Variants in RREB1 observed in about 807,000 individuals in gnomAD.
The protein encoded by RREB1 is ras responsive element binding protein 1.
Under a neutral mutation model 117.8 loss-of-function variants are expected in RREB1, and 27 were observed. The ratio of observed to expected loss-of-function variants is 0.23; its 90% CI spans 0.17 to 0.32. The LOEUF (loss-of-function observed/expected upper bound fraction) is 0.32, where lower values mean the gene tolerates loss of function less well. Ranked by LOEUF, RREB1 falls within the 10% of genes least tolerant of loss-of-function variation. RREB1 has a pLI of 1.00. For missense variants in RREB1, 2,577 were observed against 2,378.2 expected, an observed-to-expected ratio of 1.08 and a Z score of -1.74; for synonymous variants, 1,298 against 1,026.7, an observed-to-expected ratio of 1.26 and a Z score of -5.05.
chr6:7,138,085 C>G (rs544189867), intron 1 of RREB1, among the ~76,000 whole-genome samples: 10 of 152,000 alleles, frequency 6.6e-5, no homozygotes, highest in Admixed American at 5.2e-4. Context: ...CATTAGACAC[C>G]CTTTGTGCAC....
At chr6:7,204,173 G>T (rs925391596) in intron 6 of RREB1, among the ~76,000 whole-genome samples, 7 of 152,180 alleles carry the variant, frequency 4.6e-5, no homozygotes, top group African/African-American at 1.7e-4. Flanking sequence ...CACCCTGGGA[G>T]AGCTGGTGTG....
At chr6:7,128,886 G>A (rs546496485) in intron 1 of RREB1, among the ~76,000 whole-genome samples, 70 of 152,270 alleles carry the variant, frequency 4.6e-4, no homozygotes, top group African/African-American at 1.5e-3. Flanking sequence ...GGAGAATTGC[G>A]TGAATCCGGG....
At position 7,202,252 on chromosome 6, in the gene RREB1, T is replaced by C. The variant is rs547164355; in HGVS notation, c.426-8552T>C. On this transcript the variant is annotated intron_variant, in intron 6 of 12. Coordinates refer to ENST00000379938, the MANE Select transcript of RREB1 (RefSeq NM_001003699.4). ...TGGGATGGCCCCACCCGTGCATTTC[T>C]TGTTCCTCTTTTGGAACTGGCTGAG... 9.8e-5 allele frequency among the ~76,000 whole-genome samples: 15 copies of C among 152,360 alleles called. No individual in the cohort carries two copies. The South Asian group carries it at 3.1e-3, about 32-fold the overall frequency.
rs1255832701 is a variant in RREB1, at chr6:7,228,990, T to C, written c.898-7T>C. The C allele has an allele frequency of 5.3e-6, 8 of 1,505,574 alleles. No individual in the cohort carries two copies. Among genetic ancestry groups the C allele is most frequent in the Non-Finnish European group, 6.2e-6 (7 of 1,124,622 alleles). 93.3% of individuals were successfully genotyped at this position (1,505,574 alleles called of 1,614,324 possible). On this transcript the variant is annotated splice_polypyrimidine_tract_variant and splice_region_variant and intron_variant, in intron 9 of 12. Coordinates refer to ENST00000379938, the MANE Select transcript of RREB1 (RefSeq NM_001003699.4). Reference sequence around the variant, plus strand: ...TTCCCTTGCTTTTACCGGTGGGTTCTATATAGGCCTGGTGCGAAACAAACC... The same window carrying C: ...TTCCCTTGCTTTTACCGGTGGGTTCCATATAGGCCTGGTGCGAAACAAACC...
intron 6 of RREB1, among the ~76,000 whole-genome samples, chr6:7,195,656 C>T (rs933655821): frequency 1.3e-5 from 2 of 152,212 alleles, no homozygotes; most frequent in African/African-American, 4.8e-5. Context: ...CCTTCCGCTA[C>T]CACTGCTTCC....
chr6:7,174,403 C>T (rs1764397285), intron 1 of RREB1, among the ~76,000 whole-genome samples: 1 of 152,148 alleles, frequency 6.6e-6, no homozygotes, highest in Admixed American at 6.5e-5. Flanking sequence ...CCCTCTTTCT[C>T]TAAAACCATC....
At chr6:7,233,984 C>T (rs1010624333) in intron 10 of RREB1, among the ~76,000 whole-genome samples, 5 of 152,158 alleles carry the variant, frequency 3.3e-5, no homozygotes, top group Non-Finnish European at 7.3e-5. Context: ...CACGGCATTT[C>T]CTTCTGCTGT....
rs961240239 is a variant in RREB1 at position 7,122,222 on chromosome 6, G to T, written c.-285+14162G>T. 2.6e-5 allele frequency among the ~76,000 whole-genome samples: 4 copies of T among 152,334 alleles called. No individual in the cohort carries two copies. The South Asian group carries it at 8.3e-4, about 32-fold the overall frequency. ...TGAACATTCCTTTGGGCCCCAGGTA[G>T]TATACTGAGGAGAACGTGAATTTCC... is the stretch of plus-strand genomic sequence containing the variant. On this transcript the variant is annotated intron_variant, in intron 1 of 12. Transcript: ENST00000379938.
chr6:7,129,144 C>T (rs1461895868), intron 1 of RREB1, among the ~76,000 whole-genome samples: 2 of 152,130 alleles, frequency 1.3e-5, no homozygotes, highest in Admixed American at 1.3e-4. Context: ...GGACCCTGAG[C>T]CAAGTTCCCA....
chr6:7,111,495 T>C (rs980739345), intron 1 of RREB1, among the ~76,000 whole-genome samples: 1 of 152,152 alleles, frequency 6.6e-6, no homozygotes, highest in Non-Finnish European at 1.5e-5. Context: ...AGGTGGTGCT[T>C]AGAAGGTCAT....
chr6:7,248,674 C>T lies in RREB1; in HGVS notation c.4935C>T (p.Thr1645=). 6.2e-7 allele frequency: 1 copy of T among 1,614,062 alleles called. No homozygotes were observed. The highest frequency in any genetic ancestry group is 8.5e-7 in the Non-Finnish European group (1 of 1,180,004). Residue 1645 remains threonine (T), a synonymous_variant, in exon 13 of 13, where the codon ACC becomes ACT. Coordinates refer to ENST00000379938, the MANE Select transcript of RREB1 (RefSeq NM_001003699.4). ...AGGAGGACAGCGAGAATGAGTCCAC[C>T]CACAGCGGCAACAACGCCGTCTCAG... ...RGEEDSENES[T]HSGNNAVSEN...
At chr6:7,221,218 G>T (rs1191458035) in intron 8 of RREB1, among the ~76,000 whole-genome samples, 2 of 151,936 alleles carry the variant, frequency 1.3e-5, no homozygotes, top group Non-Finnish European at 2.9e-5. Flanking sequence ...CCGGACTGCG[G>T]ACTGCAGTGG....
At chr6:7,128,904 G>T (rs568013390) in intron 1 of RREB1, among the ~76,000 whole-genome samples, 10 of 152,316 alleles carry the variant, frequency 6.6e-5, no homozygotes, top group Non-Finnish European at 1.3e-4. Flanking sequence ...GGGAGGCGGA[G>T]GTTGCACTAA....
chr6:7,177,409 T>C (rs1394639920), intron 2 of RREB1, among the ~76,000 whole-genome samples: 41 of 151,544 alleles, frequency 2.7e-4, no homozygotes, highest in Non-Finnish European at 5.9e-5. Context: ...ATCCAGACCA[T>C]GTGTGTTAAA....
chr6:7,248,839 C>T lies in RREB1; in HGVS notation c.5100C>T (p.Gly1700=), dbSNP rs1769269890. Reference sequence around the variant, plus strand: ...CGGCAGGGTGGCCGTCTGAGCCTGGCCAGGGTGACCTTAACCCAGAGAGCC... The same window carrying T: ...CGGCAGGGTGGCCGTCTGAGCCTGGTCAGGGTGACCTTAACCCAGAGAGCC... ...KVTAGWPSEP[G]QGDLNPESPA... The change falls in exon 13 of 13, where the codon GGC becomes GGT. Residue 1700 remains glycine, a synonymous_variant. Coordinates refer to ENST00000379938, the MANE Select transcript of RREB1 (RefSeq NM_001003699.4). 8 of 1,611,250 alleles carry T rather than the reference C, an allele frequency of 5.0e-6. No individual in the cohort carries two copies. The highest frequency in any genetic ancestry group is 6.8e-6 in the Non-Finnish European group (8 of 1,178,904).
chr6:7,109,142 T>G lies in RREB1; in HGVS notation c.-285+1082T>G, dbSNP rs1761004671. 2.0e-5 allele frequency among the ~76,000 whole-genome samples: 3 copies of G among 151,216 alleles called. No homozygotes were observed. In the South Asian group the frequency reaches 6.3e-4, roughly 32 times the overall value. On this transcript the variant is annotated intron_variant, in intron 1 of 12. Transcript: ENST00000379938. ...CCAGCTGTGGAGCGCGCTCGGAAAC[T>G]TTTGTCCGCCGCCCGCTGGACCAGT...
intron 9 of RREB1, among the ~76,000 whole-genome samples, chr6:7,228,276 A>T (rs1340670161): frequency 1.3e-5 from 2 of 151,934 alleles, no homozygotes; most frequent in Admixed American, 1.3e-4. Flanking sequence ...GGGGTAGGGT[A>T]GCTGATTCTC....
chr6:7,158,876 A>T (rs987552168), intron 1 of RREB1, among the ~76,000 whole-genome samples: 1 of 150,674 alleles, frequency 6.6e-6, no homozygotes, highest in Admixed American at 6.6e-5. Context: ...TTTTTTTTTT[A>T]AACCTTGATA....
intron 12 of RREB1, 145 bp from the exon 13 acceptor site, chr6:7,248,366 T>G (rs982820962): frequency 1.5e-6 from 1 of 662,828 alleles, no homozygotes; most frequent in Non-Finnish European, 2.6e-6. Context: ...AGTTTGCTGG[T>G]TCAAGGAAGA....
Sources: gnomAD v4.1 joint callset for allele counts (sites outside exome capture counted in the v4.1 genomes callset) on GRCh38, gnomAD v4.1.1 for gene constraint, MANE v1.5 for transcripts, NCBI Gene and HGNC (gene_info 2026-07-23, HGNC 2026-07-21) for gene names.